CTNNA2: variants seen among roughly 807,000 people sequenced by gnomAD.
The protein encoded by CTNNA2 is catenin alpha 2.
A neutral mutation model predicts 101.0 loss-of-function variants in CTNNA2; 42 were observed. The ratio of observed to expected loss-of-function variants is 0.42; its 90% confidence interval spans 0.32 to 0.54. The LOEUF is 0.54. CTNNA2 is among the 20% of genes least tolerant of loss of function. The pLI, the probability that CTNNA2 is intolerant of heterozygous loss-of-function variation, is 0.14. For synonymous variants in CTNNA2, 450 were observed against 456.4 expected (o/e 0.99, Z 0.18); for missense variants, 871 against 1,223.1 (o/e 0.71, Z 4.29).
chr2:79,597,223 A>C (rs1169717315), intron 1 of CTNNA2, among the ~76,000 whole-genome samples: 1 of 152,198 alleles, frequency 6.6e-6, no homozygotes, highest in East Asian at 1.9e-4. Context: ...CTGTAATCCC[A>C]GCACTTTGGG....
At chr2:79,883,392 T>C (rs1042137803) in intron 6 of CTNNA2, among the ~76,000 whole-genome samples, 1 of 152,192 alleles carries the variant, frequency 6.6e-6, no homozygotes, top group Non-Finnish European at 1.5e-5. Context: ...TAGTGATTTA[T>C]GAAGCAAAAG....
chr2:79,748,063 C>T (rs1671760927), intron 3 of CTNNA2, among the ~76,000 whole-genome samples: 1 of 152,174 alleles, frequency 6.6e-6, no homozygotes, highest in African/African-American at 2.4e-5. Flanking sequence ...ACAGCAAGGT[C>T]CTCAGTCTCT....
At chr2:79,805,784 A>C (rs1676524420) in intron 3 of CTNNA2, among the ~76,000 whole-genome samples, 1 of 151,990 alleles carries the variant, frequency 6.6e-6, no homozygotes, top group Non-Finnish European at 1.5e-5. Flanking sequence ...AAAAATACAA[A>C]AAAATTAGCT....
intron 7 of CTNNA2, among the ~76,000 whole-genome samples, chr2:80,045,011 G>C (rs957599660): frequency 2.0e-5 from 3 of 152,132 alleles, no homozygotes; most frequent in African/African-American, 7.2e-5. Context: ...GTTGCATGAG[G>C]GTTTATTTGG....
At chr2:79,827,518 G>C (rs888818326) in intron 3 of CTNNA2, among the ~76,000 whole-genome samples, 1 of 152,156 alleles carries the variant, frequency 6.6e-6, no homozygotes, top group Non-Finnish European at 1.5e-5. Flanking sequence ...CTTGTTCAAG[G>C]AGCAGTGAGC....
At chr2:80,095,562 A>C (rs966567748) in intron 7 of CTNNA2, among the ~76,000 whole-genome samples, 22 of 152,234 alleles carry the variant, frequency 1.4e-4, no homozygotes, top group Non-Finnish European at 2.4e-4. Flanking sequence ...TGATTGGAAT[A>C]GTTTCAGAAG....
At chr2:80,272,242 TAAC>T (rs1673550223) in intron 7 of CTNNA2, among the ~76,000 whole-genome samples, 1 of 152,218 alleles carries the variant, frequency 6.6e-6, no homozygotes, top group South Asian at 2.1e-4. Context: ...TAGACACTTG[TAAC>T]TGTCACTCAG....
chr2:79,874,155 C>T lies in CTNNA2; in HGVS notation c.665C>T (p.Thr222Met), dbSNP rs764567856. 3.1e-6 allele frequency: 5 copies of T among 1,614,190 alleles called. No individual in the cohort carries two copies. The highest frequency in any genetic ancestry group is 1.1e-5 in the South Asian group (1 of 91,086). Residue 222 changes from threonine to methionine, a missense_variant, in exon 6 of 19, where the codon ACG (threonine) becomes ATG (methionine). Thr to Met is a moderately conservative substitution (Grantham distance 81). This residue lies in a region of CTNNA2 where 647 missense variants were observed against 831.5 expected (regional missense o/e 0.78). Coordinates refer to ENST00000402739, the MANE Select transcript of CTNNA2 (RefSeq NM_001282597.3). ...ALKKNATMLY[T>M]ASQAFLRHPD... ...AAGAAGAATGCCACAATGCTGTACA[C>T]GGCCTCTCAAGCATTTCTCCGCCAC...
chr2:80,051,506 A>G (rs2104333014), intron 7 of CTNNA2, among the ~76,000 whole-genome samples: 1 of 152,352 alleles, frequency 6.6e-6, no homozygotes, highest in South Asian at 2.1e-4. Flanking sequence ...AGTGAATAAT[A>G]ATTTTTGCTG....
At chr2:80,134,398 C>A (rs1025648875) in intron 7 of CTNNA2, among the ~76,000 whole-genome samples, 1 of 152,126 alleles carries the variant, frequency 6.6e-6, no homozygotes. Context: ...TCCCCCAAAC[C>A]CTTTGGTTGG....
chr2:79,519,900 G>A (rs142047450), intron 1 of CTNNA2, among the ~76,000 whole-genome samples: 5 of 152,202 alleles, frequency 3.3e-5, no homozygotes, highest in South Asian at 2.1e-4. Context: ...GGCTTGTTTC[G>A]GCCATGCCAA....
At chr2:79,715,076 GGA>G (rs1685991225) in intron 2 of CTNNA2, among the ~76,000 whole-genome samples, 1 of 151,260 alleles carries the variant, frequency 6.6e-6, no homozygotes, top group Non-Finnish European at 1.5e-5. Context: ...GCGTGGTGGT[GGA>G]TGCCTGTAAT....
At chr2:79,318,243 G>T (rs916329996) in intron 3 of CTNNA2, among the ~76,000 whole-genome samples, 1 of 152,010 alleles carries the variant, frequency 6.6e-6, no homozygotes, top group African/African-American at 2.4e-5. Flanking sequence ...TCCAGATATT[G>T]GACTTAAGAA....
chr2:80,591,457 G>GTTTTATTTTTTTTTTTTTTTT (rs1696486168), intron 15 of CTNNA2, among the ~76,000 whole-genome samples: 1 of 70,314 alleles, frequency 1.4e-5, no homozygotes, highest in African/African-American at 4.6e-5. Flanking sequence ...TGCACAGCCT[G>GTTTTATTTTTTTTTTTTTTTT]TTTTTTTTTT....
intron 2 of CTNNA2, among the ~76,000 whole-genome samples, chr2:79,219,300 C>A (rs1414477898): frequency 6.6e-6 from 1 of 152,116 alleles, no homozygotes; most frequent in African/African-American, 2.4e-5. Context: ...CTTTCTAAAG[C>A]CTCCACTCTT....
At chr2:80,287,397 G>T (rs900818440) in intron 7 of CTNNA2, among the ~76,000 whole-genome samples, 1 of 152,070 alleles carries the variant, frequency 6.6e-6, no homozygotes, top group African/African-American at 2.4e-5. Context: ...GATTCATCTA[G>T]TGAGGTCCAT....
chr2:80,300,465 C>G (rs187362661), intron 7 of CTNNA2, among the ~76,000 whole-genome samples: 2 of 152,084 alleles, frequency 1.3e-5, no homozygotes, highest in Admixed American at 1.3e-4. Context: ...TACCACCAAC[C>G]CTTAGCTTAA....
intron 7 of CTNNA2, among the ~76,000 whole-genome samples, chr2:80,155,029 C>T (rs559727754): frequency 1.2e-4 from 18 of 152,102 alleles, no homozygotes; most frequent in Non-Finnish European, 2.1e-4. Flanking sequence ...AACAAAAGAA[C>T]GACTCTGTTT....
At chr2:79,788,588 C>A (rs540008918) in intron 3 of CTNNA2, among the ~76,000 whole-genome samples, 7 of 152,136 alleles carry the variant, frequency 4.6e-5, no homozygotes, top group East Asian at 1.9e-4. Flanking sequence ...TTAAGGGACA[C>A]CTGCTTCCGT....
Sources: gnomAD v4.1 joint callset for allele counts (sites outside exome capture counted in the v4.1 genomes callset) on GRCh38, gnomAD v4.1.1 for gene constraint, gnomAD v4.1.1 regional missense constraint, MANE v1.5 for transcripts, NCBI Gene and HGNC (gene_info 2026-07-23, HGNC 2026-07-21) for gene names.